NAV3: variants seen among roughly 807,000 people sequenced by gnomAD.
The protein encoded by NAV3 is neuron navigator 3.
NAV3 carries 87 observed loss-of-function variants against 244.7 expected under a neutral mutation model. That is an observed-to-expected ratio of 0.36 (90% CI 0.30 to 0.42). The LOEUF (loss-of-function observed/expected upper bound fraction) is 0.42. Among genes scored for constraint, NAV3 ranks in the 20% least tolerant of loss-of-function variants. The probability of loss-of-function intolerance (pLI) is 1.00; values close to 1 mark genes in which losing one functional copy is unlikely to be tolerated. For missense variants in NAV3, 2,663 were observed against 2,893.3 expected, an observed-to-expected ratio of 0.92 and a Z score of 1.83; for synonymous variants, 1,126 against 1,042.2, an observed-to-expected ratio of 1.08 and a Z score of -1.55.
chr12:78,088,479 CCTTCCCTT>C (rs1450068236), intron 12 of NAV3, among the ~76,000 whole-genome samples: 38 of 152,066 alleles, frequency 2.5e-4, no homozygotes, highest in African/African-American at 9.2e-4. Context: ...TTCACTTTCA[CCTTCCCTT>C]AGTTTGTTGA....
At chr12:77,692,166 G>T (rs1171464490) in intron 2 of NAV3, among the ~76,000 whole-genome samples, 1 of 151,906 alleles carries the variant, frequency 6.6e-6, no homozygotes, top group African/African-American at 2.4e-5. Context: ...AAAAGAAGAA[G>T]TACTAGGAGT....
intron 2 of NAV3, among the ~76,000 whole-genome samples, chr12:77,763,025 A>G (rs554639795): frequency 6.6e-6 from 1 of 152,292 alleles, no homozygotes; most frequent in South Asian, 2.1e-4. Flanking sequence ...AGAATTTTAG[A>G]GCATGAACAT....
chr12:77,627,167 C>T (rs11106017), intron 2 of NAV3, among the ~76,000 whole-genome samples: 17,556 of 152,042 alleles, frequency 0.12, 1,836 homozygotes, highest in African/African-American at 0.28. Flanking sequence ...CAAAGATACA[C>T]ATTGACTGAA....
chr12:78,016,695 T>A (rs1876271649), intron 8 of NAV3, among the ~76,000 whole-genome samples: 1 of 152,198 alleles, frequency 6.6e-6, no homozygotes, highest in African/African-American at 2.4e-5. Flanking sequence ...CTGACTCAAA[T>A]CAGTTCTACT....
At chr12:77,902,100 T>C (rs567941231) in intron 1 of NAV3, among the ~76,000 whole-genome samples, 2 of 152,216 alleles carry the variant, frequency 1.3e-5, no homozygotes, top group Non-Finnish European at 2.9e-5. Context: ...TTATAATATG[T>C]TGTTTGCAAA....
chr12:78,092,081 A>G (rs973669509), intron 12 of NAV3, among the ~76,000 whole-genome samples: 1 of 152,202 alleles, frequency 6.6e-6, no homozygotes, highest in Non-Finnish European at 1.5e-5. Flanking sequence ...AGTCGTGCAC[A>G]AGATAAACCA....
At chr12:78,008,400 A>G (rs1459521155) in intron 8 of NAV3, among the ~76,000 whole-genome samples, 1 of 152,170 alleles carries the variant, frequency 6.6e-6, no homozygotes, top group African/African-American at 2.4e-5. Flanking sequence ...GTTTTAATCG[A>G]TTAGAGATAT....
chr12:78,140,399 A>G, intron 20 of NAV3, 65 bp downstream of exon 20: 1 of 1,317,514 alleles, frequency 7.6e-7, no homozygotes, highest in South Asian at 1.2e-5. Flanking sequence ...GAAATAGATC[A>G]TTTTACTGTG....
intron 12 of NAV3, among the ~76,000 whole-genome samples, chr12:78,077,402 C>T (rs903072958): frequency 6.6e-6 from 1 of 152,122 alleles, no homozygotes; most frequent in South Asian, 2.1e-4. Context: ...TATTGTGTAT[C>T]TGTTTACACA....
At chr12:77,643,711 A>G (rs1029852351) in intron 2 of NAV3, among the ~76,000 whole-genome samples, 4 of 151,960 alleles carry the variant, frequency 2.6e-5, no homozygotes, top group African/African-American at 7.2e-5. Context: ...CTTAACAATT[A>G]TATTTGGAAA....
Position 77,815,733 on chromosome 12 carries a change from C to T in NAV3, c.73-124586C>T, listed in dbSNP as rs537560134. Among the ~76,000 whole-genome samples the T allele has an allele frequency of 1.2e-4, 19 of 152,130 alleles. No homozygotes were observed. In the South Asian group the frequency reaches 3.3e-3, roughly 27 times the overall value. ...CATCAAATCTTTTTTTTCCCGACAT[C>T]GCATCTCCACATCCTTTCTGAACAG... On this transcript the variant is annotated intron_variant, in intron 2 of 8. Coordinates refer to the NAV3 transcript ENST00000550042.
intron 8 of NAV3, among the ~76,000 whole-genome samples, chr12:78,014,981 G>A (rs1875930408): frequency 1.3e-5 from 2 of 151,960 alleles, no homozygotes; most frequent in Non-Finnish European, 2.9e-5. Flanking sequence ...CTCGCACAGC[G>A]GTATTTTTAG....
At chr12:77,917,235 A>G (rs1278401703) in intron 1 of NAV3, among the ~76,000 whole-genome samples, 1 of 152,028 alleles carries the variant, frequency 6.6e-6, no homozygotes, top group Non-Finnish European at 1.5e-5. Flanking sequence ...TAAATGGCAC[A>G]TATAGTATTA....
intron 7 of NAV3, among the ~76,000 whole-genome samples, chr12:78,001,762 A>C (rs974493538): frequency 2.6e-5 from 4 of 152,256 alleles, no homozygotes; most frequent in Non-Finnish European, 4.4e-5. Context: ...GAAACGTTAC[A>C]ATGGGATGCA....
chr12:77,808,573 G>A (rs1319323950), intron 2 of NAV3, among the ~76,000 whole-genome samples: 1 of 152,192 alleles, frequency 6.6e-6, no homozygotes, highest in East Asian at 1.9e-4. Context: ...GCACCGGCCA[G>A]ATGCCAGCCA....
intron 24 of NAV3, among the ~76,000 whole-genome samples, chr12:78,170,231 C>T (rs1052315338): frequency 1.2e-4 from 18 of 151,680 alleles, no homozygotes; most frequent in African/African-American, 4.4e-4. Context: ...AGACCTGCTG[C>T]TCCTTCAGTG....
At chr12:78,020,132 T>C (rs1003835174) in intron 8 of NAV3, among the ~76,000 whole-genome samples, 5 of 152,174 alleles carry the variant, frequency 3.3e-5, no homozygotes, top group African/African-American at 9.6e-5. Flanking sequence ...GTATCCCCAC[T>C]TCTTTTTCTA....
rs755811434 is a variant in NAV3 at position 78,007,170 on chromosome 12, C to T, written c.1632C>T (p.Gly544=). ...VPTVKQTISP[G]STASKESEKF... ...CAGTAAAGCAAACCATTTCACCTGG[C>T]AGCACAGCAAGCAAAGAGTCTGAGA... Residue 544 remains glycine (G), a synonymous_variant, in exon 8 of 40, where the codon GGC becomes GGT. Coordinates refer to ENST00000397909, the MANE Select transcript of NAV3 (RefSeq NM_001024383.2). The T allele has an allele frequency of 6.2e-7, 1 of 1,614,168 alleles. No homozygotes were observed. The highest frequency in any genetic ancestry group is 8.5e-7 in the Non-Finnish European group (1 of 1,180,028).
At chr12:77,957,556 TGGCTGTAATAAAACACACAGC>T (rs1891479689) in intron 3 of NAV3, among the ~76,000 whole-genome samples, 1 of 152,242 alleles carries the variant, frequency 6.6e-6, no homozygotes, top group African/African-American at 2.4e-5. Context: ...GCTAAAAGGC[TGGCTGTAATAAAACACACAGC>T]TTAAAATGTA....
Sources: allele counts gnomAD v4.1 joint callset (sites outside exome capture counted in the v4.1 genomes callset), GRCh38; gene constraint gnomAD v4.1.1; transcripts MANE v1.5; gene names NCBI Gene and HGNC (gene_info 2026-07-23, HGNC 2026-07-21).